Variants in MAK16 observed in about 807,000 individuals in gnomAD.
The protein encoded by MAK16 is protein MAK16 homolog.
A neutral mutation model predicts 49.9 loss-of-function variants in MAK16; 12 were observed. That is an observed-to-expected ratio of 0.24 (90% CI 0.15 to 0.39). MAK16 has a LOEUF of 0.39. Among genes scored for constraint, MAK16 ranks in the 10% least tolerant of loss-of-function variants. MAK16 has a pLI of 1.00. For missense variants in MAK16, 292 were observed against 363.7 expected (o/e 0.80, Z 1.60); for synonymous variants, 115 against 126.4 (o/e 0.91, Z 0.60).
At chr8:33,496,921 AT>A (rs559118126) in intron 8 of MAK16, among the ~76,000 whole-genome samples, 180 bp downstream of exon 8, 105 of 152,314 alleles carry the variant, frequency 6.9e-4, no homozygotes, top group African/African-American at 2.4e-3. Flanking sequence ...ACCATTAACA[AT>A]TTTAGTCTTA....
At position 33,500,270 on chromosome 8, in the gene MAK16, A is replaced by G. The variant is rs908208907; in HGVS notation, c.*1641A>G. On this transcript the variant is annotated 3_prime_UTR_variant, in exon 10 of 10. Transcript: ENST00000360128. ...CATACATAGTAAATTATAATCAATCATGGGAATTACATAAGGATAATGAGG... is the reference window on the plus strand; with the variant it reads ...CATACATAGTAAATTATAATCAATCGTGGGAATTACATAAGGATAATGAGG... The G allele has an allele frequency of 2.5e-5, 40 of 1,600,286 alleles. No individual in the cohort carries two copies. Among genetic ancestry groups the G allele is most frequent in the Non-Finnish European group, 3.3e-5 (39 of 1,168,776 alleles).
In MAK16 at chr8:33,499,107, A is replaced by G. The variant is rs367701489; in HGVS notation, c.*478A>G. On this transcript the variant is annotated 3_prime_UTR_variant, in exon 10 of 10. Transcript: ENST00000360128. ...GTGTAAAAATATCTTTTTTTCTTAA[A>G]TAACTCCATTCATACAAATTGGGAT... is the stretch of plus-strand genomic sequence containing the variant. 7.7e-7 allele frequency: 1 copy of G among 1,304,960 alleles called. No individual in the cohort carries two copies. The highest frequency in any genetic ancestry group is 1.1e-6 in the Non-Finnish European group (1 of 901,934). 80.8% of individuals were successfully genotyped at this position (1,304,960 alleles called of 1,614,324 possible). A position where few individuals can be genotyped will look rare whatever the true frequency, so the allele number is the denominator to read the frequency against.
In MAK16 at chr8:33,500,488, ACT is replaced by A. The variant is rs777834265; in HGVS notation, c.*1862_*1863del. On this transcript the variant is annotated 3_prime_UTR_variant, in exon 10 of 10. Transcript: ENST00000360128. The stretch of plus-strand genomic sequence containing the variant: ...CAGTAAGACCACAAGTCTGCAGGAA[ACT>A]CTGGAATCAGGAAGAAAAGCTATGT... 10 of 1,613,842 alleles carry A rather than the reference ACT, an allele frequency of 6.2e-6. No homozygotes were observed. In the Admixed American group the frequency reaches 1.5e-4, roughly 24 times the overall value.
chr8:33,497,188 CTTCAT>C (rs757852279), intron 8 of MAK16, 39 bp from the exon 9 acceptor site: 1 of 1,402,728 alleles, frequency 7.1e-7, no homozygotes, highest in Non-Finnish European at 1.0e-6. Context: ...TAATCTGAAT[CTTCAT>C]TATGTATTCT....
chr8:33,494,868 T>G (rs1808832027), intron 6 of MAK16, among the ~76,000 whole-genome samples: 1 of 151,946 alleles, frequency 6.6e-6, no homozygotes, highest in Non-Finnish European at 1.5e-5. Context: ...AAGTTCCGCC[T>G]CCTGGGTTCA....
chr8:33,488,063 G>C (rs1473710843), intron 1 of MAK16, among the ~76,000 whole-genome samples: 2 of 152,144 alleles, frequency 1.3e-5, no homozygotes, highest in Non-Finnish European at 2.9e-5. Flanking sequence ...CGAGTAGCTA[G>C]GATTACAGGC....
chr8:33,493,055 C>T (rs1281014096), intron 6 of MAK16, among the ~76,000 whole-genome samples: 1 of 151,602 alleles, frequency 6.6e-6, no homozygotes, highest in Non-Finnish European at 1.5e-5. Context: ...ATGCTTCTGT[C>T]CCCATTAATC....
In MAK16 at chr8:33,498,867, C is replaced by T. The variant is rs1014686077; in HGVS notation, c.*238C>T. ...ATGTGTTGAAGTAACAGCTTGTGCCCGAGAAACTTAACAGATGAGTTCTTG... is the reference window on the plus strand; with the variant it reads ...ATGTGTTGAAGTAACAGCTTGTGCCTGAGAAACTTAACAGATGAGTTCTTG... On this transcript the variant is annotated 3_prime_UTR_variant, in exon 10 of 10. Coordinates refer to ENST00000360128, the MANE Select transcript of MAK16 (RefSeq NM_032509.4). 1.0e-5 allele frequency: 6 copies of T among 580,098 alleles called. No homozygotes were observed. The East Asian group carries it at 1.2e-4, about 11-fold the overall frequency. The allele number at this position is 580,098 out of a possible 1,614,324, so 35.9% of individuals were successfully genotyped here. A position where few individuals can be genotyped will look rare whatever the true frequency, so the allele number is the denominator to read the frequency against.
chr8:33,497,177 C>T, intron 8 of MAK16, 55 bp from the exon 9 acceptor site: 1 of 1,300,006 alleles, frequency 7.7e-7, no homozygotes, highest in South Asian at 1.2e-5. Flanking sequence ...ACTTAGATGT[C>T]TAATCTGAAT....
chr8:33,488,281 C>T, intron 1 of MAK16, 97 bp from the exon 2 acceptor site: 2 of 1,224,652 alleles, frequency 1.6e-6, no homozygotes, highest in South Asian at 1.3e-5. Flanking sequence ...CAAAACATTT[C>T]TTCCTCTCAT....
chr8:33,499,330 C>T lies in MAK16; in HGVS notation c.*701C>T, dbSNP rs1202423613. Reference sequence around the variant, plus strand: ...ATATTTTTTTTTTTTTAATTACTTTCCCCTTTTGCTTGATTCTTCTTCCTT... The same window carrying T: ...ATATTTTTTTTTTTTTAATTACTTTTCCCTTTTGCTTGATTCTTCTTCCTT... On this transcript the variant is annotated 3_prime_UTR_variant, in exon 10 of 10. Transcript: ENST00000360128. 7.8e-7 allele frequency: 1 copy of T among 1,285,600 alleles called. No homozygotes were observed. Among genetic ancestry groups the T allele is most frequent in the Admixed American group, 1.8e-5 (1 of 56,534 alleles). 79.6% of individuals were successfully genotyped at this position (1,285,600 alleles called of 1,614,324 possible).
intron 6 of MAK16, 79 bp downstream of exon 6, chr8:33,490,418 G>A: frequency 8.7e-7 from 1 of 1,145,924 alleles, no homozygotes; most frequent in Non-Finnish European, 1.3e-6. Context: ...CCATCATTAT[G>A]TAAACTGTTG....
chr8:33,499,383 G>T lies in MAK16; in HGVS notation c.*754G>T. 1 of 827,544 alleles carries T rather than the reference G, an allele frequency of 1.2e-6. No homozygotes were observed. Among genetic ancestry groups the T allele is most frequent in the African/African-American group, 1.7e-5 (1 of 58,918 alleles). The allele number at this position is 827,544 out of a possible 1,614,324, so 51.3% of individuals were successfully genotyped here. On this transcript the variant is annotated 3_prime_UTR_variant, in exon 10 of 10. Transcript: ENST00000360128. ...TATCATATTCAAAGGAGGAAAGAAT[G>T]GATGACACTTAGGGACAGGTCACTA...
chr8:33,489,470 C>T lies in MAK16; in HGVS notation c.392+331C>T, dbSNP rs552428393. Among the ~76,000 whole-genome samples, 107 of 152,242 alleles carry T rather than the reference C, an allele frequency of 7.0e-4. 1 individual carries two copies. The highest frequency in any genetic ancestry group is 2.3e-3 in the African/African-American group (97 of 41,540). On this transcript the variant is annotated intron_variant, in intron 5 of 9. Transcript: ENST00000360128. The surrounding 1 kb of genome is among the most constrained non-coding windows in gnomAD (Gnocchi z 4.2). ...CAGCTCACTGCAACCTCCATCTCCC[C>T]GGTTGAAGCAATCCTCCCACCTCAG...
chr8:33,485,282 G>T (rs1808667863), intron 1 of MAK16, 61 bp downstream of exon 1: 6 of 1,611,834 alleles, frequency 3.7e-6, no homozygotes, highest in Non-Finnish European at 5.1e-6. Flanking sequence ...GCCCATTTTC[G>T]GACACTTAGA....
rs1463872593 is a variant in MAK16 at position 33,498,413 on chromosome 8, T to C, written c.706-19T>C. 1 of 1,611,482 alleles carries C rather than the reference T, an allele frequency of 6.2e-7. No homozygotes were observed. Among genetic ancestry groups the C allele is most frequent in the South Asian group, 1.1e-5 (1 of 90,854 alleles). ...CTAGTGTTTTCCCTCTTCCTTTATCTTTTCTCTCCCCGTAATAGGATATGG... is the reference window on the plus strand; with the variant it reads ...CTAGTGTTTTCCCTCTTCCTTTATCCTTTCTCTCCCCGTAATAGGATATGG... On this transcript the variant is annotated intron_variant, in intron 9 of 9. Coordinates refer to ENST00000360128, the MANE Select transcript of MAK16 (RefSeq NM_032509.4).
intron 1 of MAK16, 50 bp from the exon 2 acceptor site, chr8:33,488,328 G>T: frequency 6.4e-7 from 1 of 1,570,108 alleles, no homozygotes; most frequent in Non-Finnish European, 8.8e-7. Flanking sequence ...AATTAATATA[G>T]TATCTCTTGG....
chr8:33,489,621 C>T lies in MAK16; in HGVS notation c.392+482C>T, dbSNP rs1232433810. ...TCTAGAATTCCTGACCTCAAGCGAT[C>T]CGCCTTAGCCTCCCAAAGTGCTGGG... On this transcript the variant is annotated intron_variant, in intron 5 of 9. Transcript: ENST00000360128. This position sits in a 1 kb window ranked among gnomAD's most constrained non-coding sequence, Gnocchi z 4.2. 6.6e-6 allele frequency among the ~76,000 whole-genome samples: 1 copy of T among 152,172 alleles called. No individual in the cohort carries two copies. Among genetic ancestry groups the T allele is most frequent in the Non-Finnish European group, 1.5e-5 (1 of 68,052 alleles).
chr8:33,488,793 G>A lies in MAK16; in HGVS notation c.235G>A (p.Glu79Lys). The A allele has an allele frequency of 1.2e-6, 2 of 1,614,144 alleles. No individual in the cohort carries two copies. The highest frequency in any genetic ancestry group is 1.7e-6 in the Non-Finnish European group (2 of 1,180,024). The change falls in exon 4 of 10, where the codon GAA becomes AAA. Residue 79 changes from glutamate to lysine, a missense_variant. Glu to Lys is a moderately conservative substitution (Grantham distance 56). Coordinates refer to ENST00000360128, the MANE Select transcript of MAK16 (RefSeq NM_032509.4). ...AGCGGCTTTTCCTCGGCGTCTCTGG[G>A]AACGGGTAAGCCTTACAACAAAACT... is the stretch of plus-strand genomic sequence containing the variant. ...ERAAFPRRLWERVRLSKNYEK... is the reference protein window; with the variant it reads ...ERAAFPRRLWKRVRLSKNYEK...
Sources: gnomAD v4.1 joint callset for allele counts (sites outside exome capture counted in the v4.1 genomes callset) on GRCh38, gnomAD v4.1.1 for gene constraint, Gnocchi (gnomAD v3.1) non-coding constraint, MANE v1.5 for transcripts, NCBI Gene and HGNC (gene_info 2026-07-23, HGNC 2026-07-21) for gene names.